The following CMYA5 variants were observed in gnomAD, a reference collection of about 807,000 sequenced individuals.
CMYA5 encodes the protein cardiomyopathy associated 5.
A neutral mutation model predicts 318.9 loss-of-function variants in CMYA5; 246 were observed. That is an observed-to-expected ratio of 0.77 (90% CI 0.70 to 0.86). CMYA5 has a LOEUF of 0.86. Ranked by LOEUF, CMYA5 falls within the 40% of genes least tolerant of loss-of-function variation. The probability of loss-of-function intolerance (pLI) is 0.00; values close to 1 mark genes in which losing one functional copy is unlikely to be tolerated. For synonymous variants in CMYA5, 1,641 were observed against 1,729.5 expected (o/e 0.95, Z 1.27); for missense variants, 4,589 against 4,678.2 (o/e 0.98, Z 0.56).
At chr5:79,740,251 C>T (rs1828185124) in intron 2 of CMYA5, among the ~76,000 whole-genome samples, 1 of 152,214 alleles carries the variant, frequency 6.6e-6, no homozygotes, top group Non-Finnish European at 1.5e-5. Context: ...CAACTGTACA[C>T]ACTGTGTGCC....
At chr5:79,754,811 A>C (rs1257103210) in intron 6 of CMYA5, among the ~76,000 whole-genome samples, 1 of 152,198 alleles carries the variant, frequency 6.6e-6, no homozygotes, top group Non-Finnish European at 1.5e-5. Context: ...CTCTATATCC[A>C]TTAAACACTA....
chr5:79,761,495 A>G (rs544769037), intron 7 of CMYA5, among the ~76,000 whole-genome samples: 177 of 152,346 alleles, frequency 1.2e-3, no homozygotes, highest in South Asian at 2.7e-3. Flanking sequence ...AAGCTAACAT[A>G]TACATTATGT....
chr5:79,700,295 C>T (rs896555434), intron 1 of CMYA5, among the ~76,000 whole-genome samples: 4 of 152,192 alleles, frequency 2.6e-5, no homozygotes, highest in Admixed American at 6.5e-5. Context: ...GAAAGCCTTA[C>T]GTAAGTTATT....
intron 9 of CMYA5, among the ~76,000 whole-genome samples, chr5:79,772,477 G>A (rs1007824): frequency 0.062 from 9,454 of 152,224 alleles, 425 homozygotes; most frequent in East Asian, 0.25. Context: ...CCATAGCCCA[G>A]GTTTGACTCT....
chr5:79,758,845 A>G lies in CMYA5; in HGVS notation c.11203A>G (p.Ile3735Val), dbSNP rs200257162. The change falls in exon 7 of 13, where the codon ATT becomes GTT. Residue 3735 changes from isoleucine (I) to valine (V), a missense_variant. Physicochemically the swap from Ile to Val is conservative, Grantham distance 29. Around this residue, in one of 3 missense-constraint regions of CMYA5, gnomAD observed 2,431 missense variants for 2,495.1 expected, o/e 0.97. Transcript: ENST00000446378. ...CTGGAGCATGAACAAGGAAGATGTC[A>G]TTGATTCATTTCAGGTTTACTGCAT... ...VYWSMNKEDV[I>V]DSFQVYCMEE... 1.2e-6 allele frequency: 2 copies of G among 1,606,308 alleles called. No individual in the cohort carries two copies. The highest frequency in any genetic ancestry group is 1.7e-6 in the Non-Finnish European group (2 of 1,176,562).
intron 1 of CMYA5, among the ~76,000 whole-genome samples, chr5:79,722,828 G>A (rs1827667782): frequency 6.6e-6 from 1 of 151,940 alleles, no homozygotes; most frequent in South Asian, 2.1e-4. Context: ...TGGATATTAT[G>A]AACAACTTTA....
chr5:79,784,974 A>T (rs1829056743), intron 9 of CMYA5, among the ~76,000 whole-genome samples: 1 of 151,092 alleles, frequency 6.6e-6, no homozygotes, highest in Non-Finnish European at 1.5e-5. Flanking sequence ...GTATTTTATC[A>T]TCTGGAATTT....
At chr5:79,693,307 G>A (rs975778873) in intron 1 of CMYA5, among the ~76,000 whole-genome samples, 4 of 151,416 alleles carry the variant, frequency 2.6e-5, no homozygotes, top group African/African-American at 4.9e-5. Context: ...TTCAGAAACT[G>A]TCAGGAGTCG....
intron 9 of CMYA5, among the ~76,000 whole-genome samples, chr5:79,784,543 C>T (rs1829045350): frequency 1.1e-5 from 1 of 92,328 alleles, no homozygotes; most frequent in Non-Finnish European, 2.1e-5. Flanking sequence ...AGTTTGATCT[C>T]AGACTGCTGT....
intron 1 of CMYA5, among the ~76,000 whole-genome samples, chr5:79,690,889 C>T: frequency 6.6e-6 from 1 of 152,174 alleles, no homozygotes; most frequent in Non-Finnish European, 1.5e-5. Context: ...GAACGCCCAG[C>T]TTACCTAATC....
At chr5:79,704,076 G>A (rs540984621) in intron 1 of CMYA5, among the ~76,000 whole-genome samples, 1 of 151,756 alleles carries the variant, frequency 6.6e-6, no homozygotes, top group South Asian at 2.1e-4. Context: ...GGGCAGCAAA[G>A]TGAGACTGTG....
intron 1 of CMYA5, among the ~76,000 whole-genome samples, chr5:79,698,555 C>T (rs1827116908): frequency 6.6e-6 from 1 of 152,164 alleles, no homozygotes; most frequent in Middle Eastern, 3.2e-3. Context: ...CAGGTCTTTG[C>T]TCTTGCTGTC....
At chr5:79,778,899 T>A (rs1828999320) in intron 9 of CMYA5, among the ~76,000 whole-genome samples, 1 of 125,724 alleles carries the variant, frequency 8.0e-6, no homozygotes, top group African/African-American at 3.4e-5. Flanking sequence ...TATTTATTTT[T>A]ATTTTTTTTT....
intron 1 of CMYA5, among the ~76,000 whole-genome samples, chr5:79,723,358 G>C (rs1052604274): frequency 2.0e-5 from 3 of 149,956 alleles, no homozygotes; most frequent in Non-Finnish European, 3.0e-5. Context: ...AGAATCGCTT[G>C]AACTCTGGAG....
Position 79,734,099 on chromosome 5 carries a change from G to T in CMYA5, c.5334G>T (p.Leu1778Phe). Residue 1778 changes from leucine to phenylalanine, a missense_variant, in exon 2 of 13, where the codon TTG (leucine) becomes TTT (phenylalanine). Around this residue, in one of 3 missense-constraint regions of CMYA5, gnomAD observed 2,132 missense variants for 2,131.3 expected, o/e 1.00. Transcript: ENST00000446378. ...GCCCATTACCACCAACTGGAAATTT[G>T]AAGGCACAAGTCATGGGAGATATTT... ...EIGPLPPTGN[L>F]KAQVMGDILD... 6.2e-7 allele frequency: 1 copy of T among 1,613,758 alleles called. No individual in the cohort carries two copies. The highest frequency in any genetic ancestry group is 8.5e-7 in the Non-Finnish European group (1 of 1,179,818).
rs549624571 is a variant in CMYA5, at chr5:79,735,012, T to C, written c.6247T>C (p.Leu2083=). ...HFPAEGVEPA[L]GNEKEAHRST... is the part of the protein sequence containing the mutation. ...CCCGGCAGAAGGTGTGGAACCTGCA[T>C]TGGGCAATGAAAAAGAAGCACACAG... The change falls in exon 2 of 13, where the codon TTG becomes CTG. Residue 2083 remains leucine (L), a synonymous_variant. Coordinates refer to ENST00000446378, the MANE Select transcript of CMYA5 (RefSeq NM_153610.5). The C allele has an allele frequency of 2.4e-5, 38 of 1,613,754 alleles. No individual in the cohort carries two copies. The highest frequency in any genetic ancestry group is 1.2e-4 in the South Asian group (11 of 91,032).
At chr5:79,755,453 ATTG>A (rs1257769871) in intron 6 of CMYA5, among the ~76,000 whole-genome samples, 1 of 151,948 alleles carries the variant, frequency 6.6e-6, no homozygotes, top group Non-Finnish European at 1.5e-5. Context: ...TGCCCAGCTA[ATTG>A]TTGTATTTTT....
chr5:79,765,944 A>G (rs1280366960), intron 9 of CMYA5, among the ~76,000 whole-genome samples: 1 of 152,198 alleles, frequency 6.6e-6, no homozygotes, highest in Admixed American at 6.5e-5. Context: ...AACACAGCCA[A>G]TTTAACTTCC....
At chr5:79,758,701 A>C (rs1828582535) in intron 6 of CMYA5, 52 bp from the exon 7 acceptor site, 1 of 1,482,618 alleles carries the variant, frequency 6.7e-7, no homozygotes. Flanking sequence ...ACTTGTGCCC[A>C]AAAAATTAAT....
Sources: allele counts gnomAD v4.1 joint callset (sites outside exome capture counted in the v4.1 genomes callset), GRCh38; gene constraint gnomAD v4.1.1; regional missense constraint gnomAD v4.1.1; transcripts MANE v1.5; gene names NCBI Gene and HGNC (gene_info 2026-07-23, HGNC 2026-07-21).